SLC9A9: variants seen among roughly 807,000 people sequenced by gnomAD.
The protein encoded by SLC9A9 is solute carrier family 9 member A9, also known as sodium/hydrogen exchanger 9.
Under a neutral mutation model 77.8 loss-of-function variants are expected in SLC9A9, and 62 were observed. That is an observed-to-expected ratio of 0.80 (90% confidence interval 0.65 to 0.98). The LOEUF (loss-of-function observed/expected upper bound fraction) is 0.98. Among genes scored for constraint, SLC9A9 ranks in the 50% least tolerant of loss-of-function variants. The probability of loss-of-function intolerance (pLI) is 0.00; values close to 1 mark genes in which losing one functional copy is unlikely to be tolerated. For missense variants in SLC9A9, 775 were observed against 774.9 expected (o/e 1.00, Z 0.00); for synonymous variants, 320 against 283.5 (o/e 1.13, Z -1.29).
chr3:143,657,420 C>T (rs2038909198), intron 5 of SLC9A9, among the ~76,000 whole-genome samples: 1 of 152,188 alleles, frequency 6.6e-6, no homozygotes, highest in Non-Finnish European at 1.5e-5. Context: ...AAACAGGGTT[C>T]CTTGGGGAAA....
intron 14 of SLC9A9, among the ~76,000 whole-genome samples, chr3:143,302,540 G>A (rs888429867): frequency 6.6e-6 from 1 of 152,122 alleles, no homozygotes; most frequent in Admixed American, 6.5e-5. Context: ...TGGAGTGGCG[G>A]GGAGGAGGAG....
intron 14 of SLC9A9, among the ~76,000 whole-genome samples, chr3:143,337,625 G>T (rs7632299): frequency 1.3e-4 from 20 of 151,948 alleles, no homozygotes; most frequent in African/African-American, 4.8e-4. Flanking sequence ...GGCCTTAACC[G>T]CAGGCTGCTG....
rs148485772 is a variant in SLC9A9 at position 143,636,602 on chromosome 3, T to A, written c.755+15653A>T. ...GTGAACATTGTACCTAATAGGTAAT[T>A]TTTCAGCCTCATTACCTTCCACCCT... On this transcript the variant is annotated intron_variant, in intron 6 of 15. Transcript: ENST00000316549. 5.1e-3 allele frequency among the ~76,000 whole-genome samples: 770 copies of A among 152,328 alleles called. 6 individuals carry two copies. Among genetic ancestry groups the A allele is most frequent in the African/African-American group, 0.017 (711 of 41,564 alleles).
intron 6 of SLC9A9, among the ~76,000 whole-genome samples, chr3:143,596,962 A>G (rs1481404124): frequency 1.3e-5 from 2 of 152,104 alleles, no homozygotes; most frequent in East Asian, 3.8e-4. Flanking sequence ...ACACACCCAG[A>G]CCTTGTATGA....
At chr3:143,551,924 T>C (rs2036894372) in intron 9 of SLC9A9, among the ~76,000 whole-genome samples, 1 of 152,224 alleles carries the variant, frequency 6.6e-6, no homozygotes, top group Non-Finnish European at 1.5e-5. Context: ...GGGAGATATA[T>C]TCTGCTTGTG....
intron 12 of SLC9A9, among the ~76,000 whole-genome samples, chr3:143,419,702 C>T (rs369398076): frequency 6.6e-6 from 1 of 152,058 alleles, no homozygotes; most frequent in Non-Finnish European, 1.5e-5. Context: ...CACAGTCTAG[C>T]GGGGGATCCA....
chr3:143,510,762 A>G (rs920041372), intron 9 of SLC9A9, among the ~76,000 whole-genome samples: 1 of 152,120 alleles, frequency 6.6e-6, no homozygotes, highest in Non-Finnish European at 1.5e-5. Flanking sequence ...TATGCATTGA[A>G]CATCTTGCTG....
chr3:143,783,107 C>T (rs141296795), intron 4 of SLC9A9, among the ~76,000 whole-genome samples: 30 of 152,198 alleles, frequency 2.0e-4, no homozygotes, highest in South Asian at 2.1e-4. Context: ...TCAGAACGAC[C>T]GTTAAAAGCG....
chr3:143,528,792 A>G (rs977843616), intron 9 of SLC9A9, among the ~76,000 whole-genome samples: 2 of 127,524 alleles, frequency 1.6e-5, no homozygotes, highest in Non-Finnish European at 1.7e-5. Flanking sequence ...TTGTCCTTCT[A>G]GCTCAAAAGT....
intron 4 of SLC9A9, among the ~76,000 whole-genome samples, chr3:143,726,651 G>A (rs1190677930): frequency 6.6e-6 from 1 of 152,046 alleles, no homozygotes; most frequent in Non-Finnish European, 1.5e-5. Flanking sequence ...TTTAGAGTAA[G>A]AGGTTAGCAG....
At chr3:143,605,121 A>G (rs1259155173) in intron 6 of SLC9A9, among the ~76,000 whole-genome samples, 1 of 152,130 alleles carries the variant, frequency 6.6e-6, no homozygotes, top group African/African-American at 2.4e-5. Context: ...AGGACTTTAG[A>G]TTGTTGCCCC....
chr3:143,410,002 G>A (rs2034061774), intron 12 of SLC9A9, among the ~76,000 whole-genome samples: 1 of 152,200 alleles, frequency 6.6e-6, no homozygotes, highest in African/African-American at 2.4e-5. Flanking sequence ...CGTCTCTTGA[G>A]AAGTTCACTT....
At chr3:143,809,024 T>C (rs1209264877) in intron 2 of SLC9A9, among the ~76,000 whole-genome samples, 1 of 152,236 alleles carries the variant, frequency 6.6e-6, no homozygotes, top group East Asian at 1.9e-4. Flanking sequence ...GTTCCCTTTC[T>C]AAGAGTATCA....
chr3:143,761,282 G>A (rs917036211), intron 4 of SLC9A9, among the ~76,000 whole-genome samples: 2 of 152,114 alleles, frequency 1.3e-5, no homozygotes, highest in Non-Finnish European at 2.9e-5. Context: ...ACAGGCAGAG[G>A]CAAGGACTTC....
intron 12 of SLC9A9, among the ~76,000 whole-genome samples, chr3:143,461,896 T>G (rs1376072047): frequency 6.6e-6 from 1 of 152,222 alleles, no homozygotes; most frequent in Non-Finnish European, 1.5e-5. Flanking sequence ...TATTTAACTC[T>G]GCTATTATTT....
chr3:143,567,134 A>G (rs531484791), intron 8 of SLC9A9, among the ~76,000 whole-genome samples: 1 of 152,266 alleles, frequency 6.6e-6, no homozygotes, highest in East Asian at 1.9e-4. Flanking sequence ...CCTCACAGAG[A>G]GAATTCCTTA....
intron 14 of SLC9A9, among the ~76,000 whole-genome samples, chr3:143,307,408 A>G (rs1464222034): frequency 6.6e-6 from 1 of 152,270 alleles, no homozygotes; most frequent in Non-Finnish European, 1.5e-5. Context: ...TGACATGGCC[A>G]TACTGAATTC....
At chr3:143,703,553 A>G (rs1397721164) in intron 4 of SLC9A9, among the ~76,000 whole-genome samples, 2 of 152,080 alleles carry the variant, frequency 1.3e-5, no homozygotes, top group Admixed American at 6.6e-5. Flanking sequence ...AAATCTATGG[A>G]ATACAGCAAA....
intron 9 of SLC9A9, among the ~76,000 whole-genome samples, chr3:143,534,338 A>G (rs952280175): frequency 2.6e-5 from 4 of 152,238 alleles, no homozygotes; most frequent in African/African-American, 9.6e-5. Flanking sequence ...TCAAAGTTAA[A>G]AAAGTGTGAC....
Sources: allele counts gnomAD v4.1 joint callset (sites outside exome capture counted in the v4.1 genomes callset), GRCh38; gene constraint gnomAD v4.1.1; transcripts MANE v1.5; gene names NCBI Gene and HGNC (gene_info 2026-07-23, HGNC 2026-07-21).